Variants in GDAP1 observed in about 807,000 individuals in gnomAD.
GDAP1 encodes ganglioside-induced differentiation-associated protein 1.
Under a neutral mutation model 40.1 loss-of-function variants are expected in GDAP1, and 34 were observed. That is an observed-to-expected ratio of 0.85 (90% CI 0.64 to 1.13). The LOEUF is 1.13. Among genes scored for constraint, GDAP1 ranks in the 50% most tolerant of loss-of-function variants. The pLI is 0.00. For synonymous variants in GDAP1, 170 were observed against 157.4 expected (o/e 1.08, Z -0.60); for missense variants, 374 against 433.7 (o/e 0.86, Z 1.22).
intron 2 of GDAP1, among the ~76,000 whole-genome samples, chr8:74,450,042 G>A (rs1164076331): frequency 2.0e-5 from 3 of 150,512 alleles, no homozygotes; most frequent in African/African-American, 7.3e-5. Context: ...TCCAGAAAAT[G>A]GATATGTTGT....
intron 2 of GDAP1, among the ~76,000 whole-genome samples, chr8:74,374,491 A>G (rs1218422455): frequency 6.6e-6 from 1 of 151,472 alleles, no homozygotes; most frequent in Non-Finnish European, 1.5e-5. Flanking sequence ...TCAACCCAAA[A>G]TAAGTAGAAG....
chr8:74,363,365 C>G (rs1204279457), intron 5 of GDAP1, among the ~76,000 whole-genome samples: 1 of 151,876 alleles, frequency 6.6e-6, no homozygotes, highest in Non-Finnish European at 1.5e-5. Context: ...TTGAATATTC[C>G]CTCTAGTTTT....
chr8:74,422,298 TTTCTTTCTTTC>T (rs1563465205), intron 2 of GDAP1, among the ~76,000 whole-genome samples: 4 of 31,364 alleles, frequency 1.3e-4, no homozygotes, highest in African/African-American at 3.4e-4. Context: ...TCTTTCTTTC[TTTCTTTCTTTC>T]TTTCTTTCTT....
At chr8:74,437,717 T>G (rs565959094) in intron 2 of GDAP1, among the ~76,000 whole-genome samples, 3 of 148,212 alleles carry the variant, frequency 2.0e-5, no homozygotes, top group African/African-American at 4.9e-5. Flanking sequence ...TTAAATCATA[T>G]TATACGTCAA....
intron 2 of GDAP1, among the ~76,000 whole-genome samples, chr8:74,444,189 A>C: frequency 7.9e-6 from 1 of 125,798 alleles, no homozygotes; most frequent in Non-Finnish European, 1.7e-5. Context: ...GTGGCAGGCA[A>C]ATGCACACAC....
intron 2 of GDAP1, among the ~76,000 whole-genome samples, chr8:74,416,972 G>A (rs549076876): frequency 7.9e-4 from 112 of 142,070 alleles, no homozygotes; most frequent in Non-Finnish European, 1.5e-3. Flanking sequence ...TGCTGGGCTT[G>A]GGAAGGAAAG....
In GDAP1 at chr8:74,411,504, T is replaced by G. The variant is rs1805709285; in HGVS notation, c.165+60183T>G. Among the ~76,000 whole-genome samples, 4 of 145,106 alleles carry G rather than the reference T, an allele frequency of 2.8e-5. No homozygotes were observed. The South Asian group carries it at 8.6e-4, about 31-fold the overall frequency. On this transcript the variant is annotated intron_variant, in intron 2 of 2. Coordinates refer to the GDAP1 transcript ENST00000523640. ...TTACATGTAAATACTACTAAACTAG[T>G]ATTTACTATTTATTAAGCAAATATA...
At chr8:74,479,714 G>C (rs185569266) in intron 2 of GDAP1, among the ~76,000 whole-genome samples, 116 of 152,314 alleles carry the variant, frequency 7.6e-4, no homozygotes, top group African/African-American at 2.7e-3. Flanking sequence ...GGTAGGTTGA[G>C]TTGGCAGCTG....
intron 2 of GDAP1, among the ~76,000 whole-genome samples, chr8:74,456,732 T>A (rs897004132): frequency 6.6e-6 from 1 of 152,052 alleles, no homozygotes. Context: ...AAACCCACTA[T>A]GCAATTATAA....
At chr8:74,396,598 A>C (rs916790212) in intron 2 of GDAP1, among the ~76,000 whole-genome samples, 1 of 151,434 alleles carries the variant, frequency 6.6e-6, no homozygotes, top group Non-Finnish European at 1.5e-5. Context: ...GAGTGAGAAC[A>C]TGTGGTGTTT....
Position 74,364,585 on chromosome 8 carries a change from A to T in GDAP1, c.*218A>T. ...GCTCCAGGCAGAAATAGGAAGGCAA[A>T]GAGATAAGAGAAGGAAAAATGAGAG... On this transcript the variant is annotated 3_prime_UTR_variant, in exon 6 of 6. Coordinates refer to ENST00000220822, the MANE Select transcript of GDAP1 (RefSeq NM_018972.4). 1 of 671,594 alleles carries T rather than the reference A, an allele frequency of 1.5e-6. No homozygotes were observed. The highest frequency in any genetic ancestry group is 2.7e-6 in the Non-Finnish European group (1 of 367,552). 41.6% of individuals were successfully genotyped at this position (671,594 alleles called of 1,614,324 possible).
At chr8:74,468,407 G>A (rs1251285993) in intron 2 of GDAP1, among the ~76,000 whole-genome samples, 1 of 151,066 alleles carries the variant, frequency 6.6e-6, no homozygotes, top group African/African-American at 2.4e-5. Context: ...CCCCTTAAAG[G>A]TGCATTATTC....
intron 5 of GDAP1, 98 bp downstream of exon 5, chr8:74,363,151 C>A: frequency 1.4e-6 from 1 of 714,726 alleles, no homozygotes; most frequent in South Asian, 1.6e-5. Flanking sequence ...ATCTGCTTTT[C>A]ATTGTTGTTA....
At chr8:74,396,179 T>A (rs1297995671) in intron 2 of GDAP1, among the ~76,000 whole-genome samples, 2 of 152,110 alleles carry the variant, frequency 1.3e-5, no homozygotes, top group African/African-American at 4.8e-5. Flanking sequence ...ACCTCCTCCC[T>A]TATACAGTTG....
Position 74,351,381 on chromosome 8 carries a change from A to G in GDAP1, c.225A>G (p.Gly75=), listed in dbSNP as rs761890773. The part of the protein sequence containing the change: ...EPWFMRLNST[G]EVPVLIHGEN... ...GGTTTATGCGTTTGAACTCAACTGG[A>G]GAAGTGCCTGTCCTTATCCACGGGG... The change falls in exon 2 of 6, where the codon GGA becomes GGG. Residue 75 remains glycine (G), a synonymous_variant. Transcript: ENST00000220822. The G allele has an allele frequency of 1.9e-6, 3 of 1,613,894 alleles. No homozygotes were observed. Among genetic ancestry groups the G allele is most frequent in the Non-Finnish European group, 2.5e-6 (3 of 1,179,724 alleles).
In GDAP1 at chr8:74,390,007, C is replaced by G. The variant is rs191327360; in HGVS notation, c.165+38686C>G. ...ACTTGCGTACGCTTCACGAAGTTCTCCTGCTGTGTTTTTCAGCTCCATCAT... is the reference window on the plus strand; with the variant it reads ...ACTTGCGTACGCTTCACGAAGTTCTGCTGCTGTGTTTTTCAGCTCCATCAT... On this transcript the variant is annotated intron_variant, in intron 2 of 2. Transcript: ENST00000523640. Among the ~76,000 whole-genome samples, 9 of 152,286 alleles carry G rather than the reference C, an allele frequency of 5.9e-5. No individual in the cohort carries two copies. The East Asian group carries it at 1.7e-3, about 29-fold the overall frequency.
At chr8:74,470,369 C>T (rs1168324826) in intron 2 of GDAP1, among the ~76,000 whole-genome samples, 1 of 152,150 alleles carries the variant, frequency 6.6e-6, no homozygotes, top group Non-Finnish European at 1.5e-5. Flanking sequence ...TTTCATTTAA[C>T]ATTAGGTATA....
intron 2 of GDAP1, among the ~76,000 whole-genome samples, chr8:74,470,104 T>G (rs1806529137): frequency 6.6e-6 from 1 of 151,578 alleles, no homozygotes; most frequent in Non-Finnish European, 1.5e-5. Context: ...TCTGTTTAGG[T>G]TTTTTTTTCC....
intron 2 of GDAP1, among the ~76,000 whole-genome samples, chr8:74,372,176 C>T (rs1166190341): frequency 1.3e-5 from 2 of 152,164 alleles, no homozygotes; most frequent in Admixed American, 6.5e-5. Context: ...CATTGATGGA[C>T]ATTTGGGTTG....
Sources: gnomAD v4.1 joint callset for allele counts (sites outside exome capture counted in the v4.1 genomes callset) on GRCh38, gnomAD v4.1.1 for gene constraint, MANE v1.5 for transcripts, NCBI Gene and HGNC (gene_info 2026-07-23, HGNC 2026-07-21) for gene names.